CDHR1: variants seen among roughly 807,000 people sequenced by gnomAD.
CDHR1 encodes the protein cadherin-related family member 1.
Under a neutral mutation model 72.1 loss-of-function variants are expected in CDHR1, and 61 were observed. The ratio of observed to expected loss-of-function variants is 0.85; its 90% CI spans 0.69 to 1.05. CDHR1 has a LOEUF of 1.05. Among genes scored for constraint, CDHR1 ranks in the 50% least tolerant of loss-of-function variants. The probability of loss-of-function intolerance (pLI) is 0.00; values close to 1 mark genes in which losing one functional copy is unlikely to be tolerated. For missense variants in CDHR1, 1,186 were observed against 1,115.7 expected (o/e 1.06, Z -0.90); for synonymous variants, 470 against 448.1 (o/e 1.05, Z -0.62).
chr10:84,202,849 A>T lies in CDHR1; in HGVS notation c.640-131A>T. On this transcript the variant is annotated intron_variant, in intron 7 of 16. Transcript: ENST00000623527. Reference sequence around the variant, plus strand: ...AAGAATTATCTCCGGGTGACACAGAAGCAAACAGAAACTTGGAGAGGACAG... The same window carrying T: ...AAGAATTATCTCCGGGTGACACAGATGCAAACAGAAACTTGGAGAGGACAG... 3.1e-6 allele frequency: 3 copies of T among 975,172 alleles called. No homozygotes were observed. In the South Asian group the frequency reaches 4.1e-5, roughly 13 times the overall value. The allele number at this position is 975,172 out of a possible 1,614,324, so 60.4% of individuals were successfully genotyped here.
chr10:84,209,639 CAAAAAAAAAAA>C (rs59316093), intron 12 of CDHR1, among the ~76,000 whole-genome samples: 1 of 125,312 alleles, frequency 8.0e-6, no homozygotes, highest in South Asian at 2.6e-4. Flanking sequence ...AGAGAAAAGA[CAAAAAAAAAAA>C]AAAAGAAACT....
At chr10:84,196,477 T>C (rs201811518) in intron 2 of CDHR1, 28 bp from the exon 3 acceptor site, 2 of 1,614,048 alleles carry the variant, frequency 1.2e-6, no homozygotes. Context: ...TCTCAGATTC[T>C]ATGTCTCTCC....
At chr10:84,198,245 C>T (rs1438303136) in intron 4 of CDHR1, among the ~76,000 whole-genome samples, 2 of 152,248 alleles carry the variant, frequency 1.3e-5, no homozygotes, top group Non-Finnish European at 1.5e-5. Flanking sequence ...CACTGGCCTC[C>T]AGGCTCTCCG....
At chr10:84,218,746 G>T, downstream of CDHR1, 1 of 1,004,356 alleles carries the variant, frequency 1.0e-6, no homozygotes, top group Non-Finnish European at 1.2e-6. Context: ...ACATGTGAAG[G>T]ATATTAGCCC....
Position 84,194,626 on chromosome 10 carries a change from G to A in CDHR1, c.-135G>A, listed in dbSNP as rs1053456301. The stretch of plus-strand genomic sequence containing the variant: ...TCACGCCACCCGCCGCTCCCGCCCC[G>A]TGCCCCCTCCCGCCGCGGCTGCAGT... On this transcript the variant is annotated 5_prime_UTR_variant, in exon 1 of 17. In the 5' UTR this introduces an upstream ATG that the reference lacks. Coordinates refer to ENST00000623527, the MANE Select transcript of CDHR1 (RefSeq NM_033100.4). 116 of 304,552 alleles carry A rather than the reference G, an allele frequency of 3.8e-4. 1 individual carries two copies. The highest frequency in any genetic ancestry group is 2.4e-3 in the African/African-American group (100 of 42,364). The allele number at this position is 304,552 out of a possible 1,614,324, so 18.9% of individuals were successfully genotyped here. A position where few individuals can be genotyped will look rare whatever the true frequency, so the allele number is the denominator to read the frequency against.
chr10:84,205,809 G>A lies in CDHR1; in HGVS notation c.863-18G>A. On this transcript the variant is annotated intron_variant, in intron 9 of 16. Coordinates refer to ENST00000623527, the MANE Select transcript of CDHR1 (RefSeq NM_033100.4). The stretch of plus-strand genomic sequence containing the variant: ...CTGTGGTCCTGTGCAGAACTTCAGG[G>A]TGCATCTCCCTTGACAGGGAACGAT... 2 of 1,589,434 alleles carry A rather than the reference G, an allele frequency of 1.3e-6. No homozygotes were observed. Among genetic ancestry groups the A allele is most frequent in the African/African-American group, 1.3e-5 (1 of 74,622 alleles).
downstream of CDHR1, chr10:84,219,174 C>T: frequency 1.3e-6 from 2 of 1,550,404 alleles, no homozygotes; most frequent in South Asian, 1.2e-5. Flanking sequence ...CACATTCCAG[C>T]CAGGGTCTGT....
At chr10:84,196,841 C>T (rs974026924) in intron 3 of CDHR1, among the ~76,000 whole-genome samples, 191 bp downstream of exon 3, 2 of 152,242 alleles carry the variant, frequency 1.3e-5, no homozygotes, top group African/African-American at 4.8e-5. Context: ...TACTTTCATG[C>T]TCCTCCTTCA....
chr10:84,211,656 T>A lies in CDHR1; in HGVS notation c.1494T>A (p.Asp498Glu). The A allele has an allele frequency of 6.2e-7, 1 of 1,614,078 alleles. No homozygotes were observed. The highest frequency in any genetic ancestry group is 8.5e-7 in the Non-Finnish European group (1 of 1,179,976). Residue 498 changes from aspartate (D) to glutamate (E), a missense_variant, in exon 14 of 17, where the codon GAT (aspartate) becomes GAA (glutamate). Asp to Glu is a conservative substitution (Grantham distance 45). Transcript: ENST00000623527. ...GSSVVAVTAV[D>E]PDTGPWGEVK... ...GGCTCTTTCTCTTCCAGGCTGTGGA[T>A]CCAGATACAGGACCCTGGGGCGAAG... is the stretch of plus-strand genomic sequence containing the variant.
chr10:84,202,561 G>T (rs377244296), intron 7 of CDHR1, among the ~76,000 whole-genome samples: 11 of 152,326 alleles, frequency 7.2e-5, no homozygotes, highest in African/African-American at 2.4e-4. Context: ...AGCTGCACGG[G>T]CTGGGCTGGT....
chr10:84,213,333 C>T lies in CDHR1; in HGVS notation c.2025C>T (p.Asp675=), dbSNP rs1842371907. ...SFSTTALLKI[D]ITDAETLSRS... ...GCACCACAGCCTTACTCAAGATTGA[C>T]ATCACAGATGCTGAGGTGAGTACAA... Residue 675 remains aspartate, a synonymous_variant, in exon 16 of 17, where the codon GAC becomes GAT. Coordinates refer to ENST00000623527, the MANE Select transcript of CDHR1 (RefSeq NM_033100.4). 1.2e-6 allele frequency: 2 copies of T among 1,614,064 alleles called. No individual in the cohort carries two copies. The highest frequency in any genetic ancestry group is 2.2e-5 in the South Asian group (2 of 91,088).
chr10:84,211,644 C>T lies in CDHR1; in HGVS notation c.1486-4C>T. 1.9e-6 allele frequency: 3 copies of T among 1,614,020 alleles called. No homozygotes were observed. The highest frequency in any genetic ancestry group is 3.3e-5 in the Admixed American group (2 of 60,026). ...CGTGCCACCCAGGGCTCTTTCTCTTCCAGGCTGTGGATCCAGATACAGGAC... is the reference window on the plus strand; with the variant it reads ...CGTGCCACCCAGGGCTCTTTCTCTTTCAGGCTGTGGATCCAGATACAGGAC... On this transcript the variant is annotated splice_region_variant and splice_polypyrimidine_tract_variant and intron_variant, in intron 13 of 16. Transcript: ENST00000623527.
chr10:84,204,103 T>A (rs545028843), intron 8 of CDHR1, among the ~76,000 whole-genome samples: 1 of 152,292 alleles, frequency 6.6e-6, no homozygotes, highest in Non-Finnish European at 1.5e-5. Flanking sequence ...TTCTGGGACC[T>A]CGCATTTGAG....
Position 84,202,986 on chromosome 10 carries a change from G to A in CDHR1, c.646G>A (p.Gly216Ser), listed in dbSNP as rs776317648. 2.9e-5 allele frequency: 47 copies of A among 1,614,156 alleles called. No homozygotes were observed. In the East Asian group the frequency reaches 4.2e-4, roughly 15 times the overall value. ...HYITVVAKDG[G>S]GRLHGADVVF... is the part of the protein sequence containing the mutation. ...GCCTCCGATTCTTCTGCAGGATGGC[G>A]GTGGGAGGCTTCATGGGGCTGATGT... is the stretch of plus-strand genomic sequence containing the variant. The change falls in exon 8 of 17, where the codon GGT (glycine) becomes AGT (serine). Residue 216 changes from glycine to serine, a missense_variant. Physicochemically the swap from Gly to Ser is moderately conservative, Grantham distance 56. Coordinates refer to ENST00000623527, the MANE Select transcript of CDHR1 (RefSeq NM_033100.4).
intron 10 of CDHR1, among the ~76,000 whole-genome samples, chr10:84,206,945 T>C (rs1263798835): frequency 6.6e-6 from 1 of 151,960 alleles, no homozygotes; most frequent in East Asian, 1.9e-4. Context: ...TTGCACAGAA[T>C]GAGGAAATTG....
At position 84,218,153 on chromosome 10, in the gene CDHR1, T is replaced by A. The variant is rs189028295; in HGVS notation, c.*3532T>A. On this transcript the variant is annotated 3_prime_UTR_variant, in exon 17 of 17. Coordinates refer to ENST00000623527, the MANE Select transcript of CDHR1 (RefSeq NM_033100.4). The stretch of plus-strand genomic sequence containing the variant: ...GGATGGAGAGGGAGAATGGAGAAGA[T>A]GCCACATGAGGAATGAGGCAGGAGA... The A allele has an allele frequency of 2.0e-4, 200 of 985,456 alleles. No homozygotes were observed. In the African/African-American group the frequency reaches 3.3e-3, roughly 16 times the overall value. The allele number at this position is 985,456 out of a possible 1,614,324, so 61.0% of individuals were successfully genotyped here. A position where few individuals can be genotyped will look rare whatever the true frequency, so the allele number is the denominator to read the frequency against.
intron 8 of CDHR1, 133 bp from the exon 9 acceptor site, chr10:84,204,394 C>T: frequency 1.4e-6 from 1 of 710,684 alleles, no homozygotes; most frequent in South Asian, 1.5e-5. Flanking sequence ...TAGGGCCATG[C>T]TCCACCGCCA....
At chr10:84,202,118 G>A (rs764094310) in intron 7 of CDHR1, among the ~76,000 whole-genome samples, 198 bp downstream of exon 7, 1 of 152,164 alleles carries the variant, frequency 6.6e-6, no homozygotes, top group Non-Finnish European at 1.5e-5. Flanking sequence ...CTGTGGGAGG[G>A]CATATGCCTC....
At chr10:84,213,903 T>C (rs1842381642) in intron 16 of CDHR1, among the ~76,000 whole-genome samples, 179 bp from the exon 17 acceptor site, 1 of 152,346 alleles carries the variant, frequency 6.6e-6, no homozygotes, top group South Asian at 2.1e-4. Context: ...ACTGCATGCA[T>C]CATGCTCTCT....
Sources: gnomAD v4.1 joint callset for allele counts (sites outside exome capture counted in the v4.1 genomes callset) on GRCh38, gnomAD v4.1.1 for gene constraint, MANE v1.5 for transcripts, NCBI Gene and HGNC (gene_info 2026-07-23, HGNC 2026-07-21) for gene names.